PRRG1: variants seen among roughly 807,000 people sequenced by gnomAD.
PRRG1 encodes transmembrane gamma-carboxyglutamic acid protein 1.
In PRRG1, 5 loss-of-function variants were observed where a neutral mutation model predicts 11.8. The observed-to-expected ratio is 0.42, with a 90% confidence interval of 0.22 to 0.89. PRRG1 has a LOEUF of 0.89. PRRG1 is among the 40% of genes least tolerant of loss of function. PRRG1 has a pLI of 0.28. For missense variants in PRRG1, 155 were observed against 166.1 expected, an observed-to-expected ratio of 0.93 and a Z score of 0.37; for synonymous variants, 66 against 60.4, an observed-to-expected ratio of 1.09 and a Z score of -0.43.
rs1396840692 is a variant in PRRG1, at chrX:37,454,230, T to C, written c.*609T>C. 2.7e-5 allele frequency: 3 copies of C among 112,424 alleles called. No individual in the cohort carries two copies. The highest frequency in any genetic ancestry group is 9.7e-5 in the African/African-American group (3 of 30,939). 9.3% of individuals were successfully genotyped at this position (112,424 alleles called of 1,213,427 possible). ...ATGCATAAGCTACTGATAACTTGCTTACAGCAGATAGCAATAAGGTATTTG... is the reference window on the plus strand; with the variant it reads ...ATGCATAAGCTACTGATAACTTGCTCACAGCAGATAGCAATAAGGTATTTG... On this transcript the variant is annotated 3_prime_UTR_variant, in exon 4 of 4. Coordinates refer to ENST00000378628, the MANE Select transcript of PRRG1 (RefSeq NM_001142395.2).
intron 1 of PRRG1, among the ~76,000 whole-genome samples, chrX:37,359,340 T>A (rs1043003488): frequency 3.6e-4 from 40 of 109,727 alleles, no homozygotes; most frequent in Non-Finnish European, 6.1e-4. Context: ...TTTTTTTTTT[T>A]AAATCATGAA....
chrX:37,391,243 G>C (rs1931520170), intron 1 of PRRG1, among the ~76,000 whole-genome samples: 1 of 111,390 alleles, frequency 9.0e-6, no homozygotes, highest in Non-Finnish European at 1.9e-5. Flanking sequence ...AAGACTTCTT[G>C]CTTTTCCCGA....
chrX:37,384,237 C>A (rs1292042033), intron 1 of PRRG1, among the ~76,000 whole-genome samples: 3 of 111,336 alleles, frequency 2.7e-5, no homozygotes, highest in African/African-American at 9.8e-5. Flanking sequence ...GAGTTATATA[C>A]CGCTATATAA....
At chrX:37,397,855 G>A (rs1157013026) in intron 1 of PRRG1, among the ~76,000 whole-genome samples, 1 of 87,166 alleles carries the variant, frequency 1.1e-5, no homozygotes, top group Non-Finnish European at 2.0e-5. Flanking sequence ...GCTAAAAGCT[G>A]CTTTGTTGTT....
intron 3 of PRRG1, among the ~76,000 whole-genome samples, chrX:37,432,310 T>A (rs1569448068): frequency 9.1e-6 from 1 of 110,180 alleles, no homozygotes; most frequent in Non-Finnish European, 1.9e-5. Context: ...ATGGTCTCGA[T>A]CTCCTGACCT....
chrX:37,395,513 G>C (rs781910316), intron 1 of PRRG1, among the ~76,000 whole-genome samples: 26 of 109,036 alleles, frequency 2.4e-4, no homozygotes, highest in Non-Finnish European at 3.8e-4. Flanking sequence ...TACTCGGGAG[G>C]CTGAGGCAGG....
At chrX:37,391,965 T>C (rs966034891) in intron 1 of PRRG1, among the ~76,000 whole-genome samples, 3 of 111,145 alleles carry the variant, frequency 2.7e-5, no homozygotes, top group Non-Finnish European at 3.8e-5. Context: ...GTTTCAATGA[T>C]ACTTACACTG....
intron 2 of PRRG1, among the ~76,000 whole-genome samples, chrX:37,420,688 G>A (rs7357964): frequency 0.2 from 16,221 of 80,761 alleles, 2,520 homozygotes; most frequent in African/African-American, 0.61. Context: ...AAAAAAAAAA[G>A]AAAAGAAAGA....
chrX:37,356,635 A>G (rs782181572), intron 1 of PRRG1, among the ~76,000 whole-genome samples: 2 of 111,363 alleles, frequency 1.8e-5, no homozygotes, highest in Admixed American at 1.9e-4. Context: ...TTGATACTCC[A>G]GGTAGAATTC....
Position 37,363,521 on chromosome X carries a change from T to C in PRRG1, c.-42+14126T>C, listed in dbSNP as rs1279540998. 1.2e-4 allele frequency among the ~76,000 whole-genome samples: 14 copies of C among 112,080 alleles called. No individual in the cohort carries two copies. The Admixed American group carries it at 1.3e-3, about 11-fold the overall frequency. On this transcript the variant is annotated intron_variant, in intron 1 of 3. Transcript: ENST00000378628. The stretch of plus-strand genomic sequence containing the variant: ...GGCATATGGTTGGTGCTAAAAAATA[T>C]TTGTTGAATTGATGAGATCACCTAC...
intron 1 of PRRG1, among the ~76,000 whole-genome samples, chrX:37,366,156 A>G (rs1930564526): frequency 8.9e-6 from 1 of 112,025 alleles, no homozygotes; most frequent in Admixed American, 9.4e-5. Flanking sequence ...GCACAACATA[A>G]TATAGGATAT....
chrX:37,436,555 A>G (rs1932886936), intron 3 of PRRG1, among the ~76,000 whole-genome samples: 1 of 112,189 alleles, frequency 8.9e-6, no homozygotes, highest in Non-Finnish European at 1.9e-5. Context: ...TGAGGTATCT[A>G]AAAATTGATC....
chrX:37,407,102 C>T (rs1270974312), intron 2 of PRRG1, among the ~76,000 whole-genome samples: 1 of 111,502 alleles, frequency 9.0e-6, no homozygotes, highest in African/African-American at 3.3e-5. Flanking sequence ...TCCGGGTGGT[C>T]CTTTTCTTTC....
At chrX:37,366,313 C>A (rs914933602) in intron 1 of PRRG1, among the ~76,000 whole-genome samples, 1 of 112,162 alleles carries the variant, frequency 8.9e-6, no homozygotes, top group Non-Finnish European at 1.9e-5. Context: ...AATACCATTT[C>A]TCACCCATTT....
Position 37,454,637 on chromosome X carries a change from T to G in PRRG1, c.*1016T>G, listed in dbSNP as rs1229098106. The G allele has an allele frequency of 1.8e-5, 2 of 112,017 alleles. No homozygotes were observed. Among genetic ancestry groups the G allele is most frequent in the Non-Finnish European group, 3.8e-5 (2 of 53,264 alleles). The allele number at this position is 112,017 out of a possible 1,213,427, so 9.2% of individuals were successfully genotyped here. ...TAGGCTGATGTCTTTGCCTCAAGAT[T>G]GTTAGGAGGTAATTTTCCATTGAAT... is the stretch of plus-strand genomic sequence containing the variant. On this transcript the variant is annotated 3_prime_UTR_variant, in exon 4 of 4. Transcript: ENST00000378628.
intron 2 of PRRG1, among the ~76,000 whole-genome samples, chrX:37,419,125 C>T (rs1248567667): frequency 9.8e-5 from 11 of 112,246 alleles, no homozygotes; most frequent in Admixed American, 3.8e-4. Flanking sequence ...TTATGTAAAA[C>T]ATTGAATAGC....
At position 37,456,386 on chromosome X, in the gene PRRG1, AC is replaced by A. The variant is rs1398231387; in HGVS notation, c.*2767del. 2 of 112,331 alleles carry A rather than the reference AC, an allele frequency of 1.8e-5. No homozygotes were observed. The highest frequency in any genetic ancestry group is 3.8e-5 in the Non-Finnish European group (2 of 53,275). The allele number at this position is 112,331 out of a possible 1,213,427, so 9.3% of individuals were successfully genotyped here. On this transcript the variant is annotated 3_prime_UTR_variant, in exon 4 of 4. Transcript: ENST00000378628. ...GGATATAATGCTGCTTTTTAGAGACACCTAAATTGCAGTATCAGAATGAATG... is the reference window on the plus strand; with the variant it reads ...GGATATAATGCTGCTTTTTAGAGACACTAAATTGCAGTATCAGAATGAATG...
At chrX:37,359,042 G>A (rs1471117651) in intron 1 of PRRG1, among the ~76,000 whole-genome samples, 1 of 111,741 alleles carries the variant, frequency 8.9e-6, no homozygotes, top group Non-Finnish European at 1.9e-5. Context: ...CAATTCTTTG[G>A]AATTTTTCTA....
At position 37,389,435 on chromosome X, in the gene PRRG1, C is replaced by T. The variant is rs190365673; in HGVS notation, c.-41-16774C>T. 4.5e-5 allele frequency among the ~76,000 whole-genome samples: 5 copies of T among 111,474 alleles called. No individual in the cohort carries two copies. The East Asian group carries it at 1.4e-3, about 31-fold the overall frequency. Reference sequence around the variant, plus strand: ...AACAAGGTTTAATTGGGTCATGGTTCCACAGGCTGTATAGGAAGCATAATG... The same window carrying T: ...AACAAGGTTTAATTGGGTCATGGTTTCACAGGCTGTATAGGAAGCATAATG... On this transcript the variant is annotated intron_variant, in intron 1 of 3. Transcript: ENST00000378628.
Sources: allele counts gnomAD v4.1 joint callset (sites outside exome capture counted in the v4.1 genomes callset), GRCh38; gene constraint gnomAD v4.1.1; transcripts MANE v1.5; gene names NCBI Gene and HGNC (gene_info 2026-07-23, HGNC 2026-07-21).